Variants in FARP1 observed in about 807,000 individuals in gnomAD.
FARP1 encodes FERM, ARH/RhoGEF and pleckstrin domain protein 1.
A neutral mutation model predicts 128.8 loss-of-function variants in FARP1; 52 were observed. The observed-to-expected ratio is 0.40, with a 90% CI of 0.32 to 0.51. FARP1 has a LOEUF of 0.51. FARP1 is among the 20% of genes least tolerant of loss of function. The pLI is 0.45. For synonymous variants in FARP1, 580 were observed against 551.8 expected (o/e 1.05, Z -0.72); for missense variants, 1,333 against 1,367.9 (o/e 0.97, Z 0.40).
chr13:98,197,453 C>T (rs183228745), intron 1 of FARP1, among the ~76,000 whole-genome samples: 115 of 151,636 alleles, frequency 7.6e-4, no homozygotes, highest in African/African-American at 2.7e-3. Flanking sequence ...GCAACAAGAG[C>T]AAAACTCCAT....
At chr13:98,384,136 A>G (rs926545785) in intron 6 of FARP1, 1 of 150,370 alleles carries the variant, frequency 6.7e-6, no homozygotes, top group Non-Finnish European at 1.5e-5. Context: ...GATGGGGAGA[A>G]AAGAAAAACC....
chr13:98,245,432 T>C (rs2139465475), intron 2 of FARP1: 1 of 672,660 alleles, frequency 1.5e-6, no homozygotes, highest in South Asian at 6.7e-5. Flanking sequence ...AATCATACAC[T>C]GCAGCAACTA....
chr13:98,303,127 C>G (rs1484504952), intron 2 of FARP1, among the ~76,000 whole-genome samples: 1 of 152,154 alleles, frequency 6.6e-6, no homozygotes, highest in African/African-American at 2.4e-5. Flanking sequence ...TGAATAAAGT[C>G]AGATACACAT....
chr13:98,305,472 T>C (rs1321722259), intron 2 of FARP1, among the ~76,000 whole-genome samples: 2 of 152,162 alleles, frequency 1.3e-5, no homozygotes, highest in Non-Finnish European at 2.9e-5. Context: ...TAGCTGGGAT[T>C]ACAGGCACCC....
At chr13:98,384,219 G>A (rs1384185647) in intron 6 of FARP1, 1 of 152,692 alleles carries the variant, frequency 6.5e-6, no homozygotes, top group Non-Finnish European at 1.5e-5. Flanking sequence ...GGAACATGGA[G>A]TCTTGCTCTG....
At chr13:98,386,752 C>A (rs1286282668) in intron 8 of FARP1, among the ~76,000 whole-genome samples, 1 of 150,846 alleles carries the variant, frequency 6.6e-6, no homozygotes, top group Non-Finnish European at 1.5e-5. Flanking sequence ...TGTTCAGGAC[C>A]TAAAACCCTT....
chr13:98,363,289 T>G (rs74960222), intron 3 of FARP1, among the ~76,000 whole-genome samples: 6,518 of 152,232 alleles, frequency 0.043, 166 homozygotes, highest in Middle Eastern at 0.096. Context: ...TTGTCTTTCT[T>G]CCCTTTGAGA....
intron 1 of FARP1, among the ~76,000 whole-genome samples, chr13:98,157,228 G>C (rs1876555635): frequency 6.6e-6 from 1 of 152,142 alleles, no homozygotes; most frequent in Non-Finnish European, 1.5e-5. Flanking sequence ...TTACTGTTTT[G>C]CTGGAATTGA....
chr13:98,182,114 T>C (rs1878576810), intron 1 of FARP1, among the ~76,000 whole-genome samples: 1 of 152,146 alleles, frequency 6.6e-6, no homozygotes, highest in Non-Finnish European at 1.5e-5. Flanking sequence ...TCCCCCTCTT[T>C]CCCAAGCTCC....
intron 17 of FARP1, among the ~76,000 whole-genome samples, chr13:98,429,070 A>G (rs1015459609): frequency 4.6e-5 from 7 of 152,172 alleles, no homozygotes; most frequent in Non-Finnish European, 1.0e-4. Flanking sequence ...GGGGTGCACA[A>G]TCCCTCCCTG....
chr13:98,308,624 A>G (rs1476545344), intron 2 of FARP1, among the ~76,000 whole-genome samples: 3 of 152,206 alleles, frequency 2.0e-5, no homozygotes, highest in African/African-American at 7.2e-5. Context: ...AGAATGTAAG[A>G]TAACTCAGTG....
rs574806687 is a variant in FARP1 at position 98,201,443 on chromosome 13, T to C, written c.-23-11777T>C. Among the ~76,000 whole-genome samples the C allele has an allele frequency of 5.3e-5, 8 of 152,284 alleles. No homozygotes were observed. The South Asian group carries it at 6.2e-4, about 12-fold the overall frequency. ...CAGCCTGGGTGACAGAGCGAGACCC[T>C]GCCTCAAAGAAACAGAACGGCAAAA... On this transcript the variant is annotated intron_variant, in intron 1 of 26. Transcript: ENST00000319562.
chr13:98,379,494 C>T (rs1412937604), intron 6 of FARP1, among the ~76,000 whole-genome samples: 1 of 151,686 alleles, frequency 6.6e-6, no homozygotes, highest in African/African-American at 2.4e-5. Context: ...AACCCCCCAG[C>T]CTCCATTTCT....
intron 2 of FARP1, among the ~76,000 whole-genome samples, chr13:98,237,304 C>CAA (rs201944641): frequency 5.7e-5 from 7 of 123,658 alleles, no homozygotes; most frequent in African/African-American, 1.2e-4. Flanking sequence ...AACTCCGTCT[C>CAA]AAAAAAAAAA....
chr13:98,391,897 T>C (rs1197858861), intron 11 of FARP1, among the ~76,000 whole-genome samples: 7 of 152,204 alleles, frequency 4.6e-5, no homozygotes, highest in Non-Finnish European at 1.0e-4. Flanking sequence ...TTACTGCATG[T>C]AGCGTTTTTA....
intron 1 of FARP1, 98 bp from the exon 2 acceptor site, chr13:98,213,122 G>A (rs1753217958): frequency 1.1e-6 from 1 of 893,608 alleles, no homozygotes; most frequent in Non-Finnish European, 1.7e-6. Flanking sequence ...TGCAGGGGAT[G>A]GAGCCCCCTG....
intron 2 of FARP1, among the ~76,000 whole-genome samples, chr13:98,234,915 T>G (rs1301739986): frequency 6.6e-6 from 1 of 152,228 alleles, no homozygotes; most frequent in Admixed American, 6.5e-5. Context: ...TTAGAAACAC[T>G]GGATTTGTAA....
intron 6 of FARP1, among the ~76,000 whole-genome samples, chr13:98,382,815 T>C (rs1889936561): frequency 6.6e-6 from 1 of 152,216 alleles, no homozygotes; most frequent in African/African-American, 2.4e-5. Context: ...GTGCATGTTT[T>C]TGGTGATTTC....
rs184993840 is a variant in FARP1 at position 98,323,546 on chromosome 13, A to G, written c.172-20216A>G. Among the ~76,000 whole-genome samples the G allele has an allele frequency of 3.8e-3, 571 of 152,208 alleles. 2 individuals are homozygous for G. Among genetic ancestry groups the G allele is most frequent in the Middle Eastern group, 0.01 (3 of 294 alleles). ...TGTTAAATATTTTTAGCCTGCTCCT[A>G]ACACATGAAAATATTACATACCTGT... On this transcript the variant is annotated intron_variant, in intron 2 of 26. Coordinates refer to ENST00000319562, the MANE Select transcript of FARP1 (RefSeq NM_005766.4).
Sources: allele counts gnomAD v4.1 joint callset (sites outside exome capture counted in the v4.1 genomes callset), GRCh38; gene constraint gnomAD v4.1.1; transcripts MANE v1.5; gene names NCBI Gene and HGNC (gene_info 2026-07-23, HGNC 2026-07-21).